The following TMEM19 variants were observed in gnomAD, a reference collection of about 807,000 sequenced individuals.
TMEM19 encodes the protein transmembrane protein 19.
TMEM19 carries 21 observed loss-of-function variants against 33.6 expected under a neutral mutation model. The observed-to-expected ratio is 0.62, with a 90% CI of 0.44 to 0.90. The LOEUF is 0.90. Ranked by LOEUF, TMEM19 falls within the 40% of genes least tolerant of loss-of-function variation. The probability of loss-of-function intolerance (pLI) is 0.00; values close to 1 mark genes in which losing one functional copy is unlikely to be tolerated. For synonymous variants in TMEM19, 149 were observed against 147.5 expected, an observed-to-expected ratio of 1.01 and a Z score of -0.07; for missense variants, 402 against 401.8, an observed-to-expected ratio of 1.00 and a Z score of 0.00.
Position 71,704,382 on chromosome 12 carries a change from C to T in TMEM19, c.*3387C>T, listed in dbSNP as rs1882036917. 2 of 155,700 alleles carry T rather than the reference C, an allele frequency of 1.3e-5. No homozygotes were observed. The highest frequency in any genetic ancestry group is 3.9e-4 in the South Asian group (2 of 5,170). 9.6% of individuals were successfully genotyped at this position (155,700 alleles called of 1,614,324 possible). A position where few individuals can be genotyped will look rare whatever the true frequency, so the allele number is the denominator to read the frequency against. On this transcript the variant is annotated 3_prime_UTR_variant, in exon 6 of 6. Transcript: ENST00000266673. ...ATGTGAAATGATGTTTTAAACTTTG[C>T]CGCATACCTGTGATATGAACAGCTG...
At chr12:71,693,897 G>A (rs1440173107) in intron 2 of TMEM19, among the ~76,000 whole-genome samples, 1 of 152,126 alleles carries the variant, frequency 6.6e-6, no homozygotes, top group Non-Finnish European at 1.5e-5. Flanking sequence ...ATTTGCCTTT[G>A]GCCATGATTG....
At chr12:71,691,605 CAAAAAAAAAAAAAAAAAAAA>C (rs57138830) in intron 2 of TMEM19, among the ~76,000 whole-genome samples, 5,230 of 49,968 alleles carry the variant, frequency 0.1, 428 homozygotes, top group African/African-American at 0.24. Flanking sequence ...TTCACCTCTA[CAAAAAAAAAAAAAAAAAAAA>C]AAAAAAAAAA....
intron 1 of TMEM19, 129 bp downstream of exon 1, chr12:71,686,939 G>A: frequency 1.1e-6 from 1 of 881,912 alleles, no homozygotes; most frequent in Non-Finnish European, 1.6e-6. Flanking sequence ...AACTTCCATA[G>A]CCTGATTTAA....
rs556312523 is a variant in TMEM19 at position 71,686,430 on chromosome 12, C to T, written c.-251C>T. On this transcript the variant is annotated 5_prime_UTR_variant, in exon 1 of 6. Coordinates refer to ENST00000266673, the MANE Select transcript of TMEM19 (RefSeq NM_018279.4). Reference sequence around the variant, plus strand: ...AAGCGGCCGGCAGCCGGCGACCGGCCCTCACCGTCCGCCGGGTTGCGCTCT... The same window carrying T: ...AAGCGGCCGGCAGCCGGCGACCGGCTCTCACCGTCCGCCGGGTTGCGCTCT... The T allele has an allele frequency of 6.4e-4, 228 of 358,566 alleles. 1 individual carries two copies. The South Asian group carries it at 6.5e-3, about 10-fold the overall frequency. The allele number at this position is 358,566 out of a possible 1,614,324, so 22.2% of individuals were successfully genotyped here.
At chr12:71,696,647 G>C in intron 3 of TMEM19, 74 bp downstream of exon 3, 1 of 1,319,856 alleles carries the variant, frequency 7.6e-7, no homozygotes, top group Non-Finnish European at 1.0e-6. Flanking sequence ...TTTTGTTTTT[G>C]TTTTTGTTTT....
chr12:71,698,823 A>G (rs919921272), intron 4 of TMEM19, 77 bp from the exon 5 acceptor site: 1 of 1,280,488 alleles, frequency 7.8e-7, no homozygotes, highest in Non-Finnish European at 1.1e-6. Flanking sequence ...TCTTGATTAG[A>G]TAGGTACCTT....
chr12:71,699,037 G>A lies in TMEM19; in HGVS notation c.775G>A (p.Ala259Thr). 6.2e-7 allele frequency: 1 copy of A among 1,614,124 alleles called. No individual in the cohort carries two copies. Among genetic ancestry groups the A allele is most frequent in the Non-Finnish European group, 8.5e-7 (1 of 1,180,012 alleles). Residue 259 changes from alanine (A) to threonine (T), a missense_variant, in exon 5 of 6, where the codon GCA (alanine) becomes ACA (threonine). Transcript: ENST00000266673. ...TTCTGCCCCGCAGTGGCCAATTATT[G>A]CATTTGGTGGTTTAGCTGGATTACT... Reference protein sequence around the residue: ...DISAPQWPIIAFGGLAGLLGS... With the variant: ...DISAPQWPIITFGGLAGLLGS...
At chr12:71,695,141 T>G (rs1240762924) in intron 2 of TMEM19, among the ~76,000 whole-genome samples, 1 of 152,208 alleles carries the variant, frequency 6.6e-6, no homozygotes, top group Admixed American at 6.5e-5. Flanking sequence ...CAGTTACTAA[T>G]CTAAAATGTA....
In TMEM19 at chr12:71,704,872, A is replaced by G. The variant is rs1027170465; in HGVS notation, c.*3877A>G. On this transcript the variant is annotated 3_prime_UTR_variant, in exon 6 of 6. Transcript: ENST00000266673. ...GTGGCTTAATTATTTAATCTCCTTT[A>G]TGGAGTATCTGTTTTTATAACTCCA... 6.6e-6 allele frequency: 1 copy of G among 152,210 alleles called. No individual in the cohort carries two copies. The highest frequency in any genetic ancestry group is 1.5e-5 in the Non-Finnish European group (1 of 68,040). The allele number at this position is 152,210 out of a possible 1,614,324, so 9.4% of individuals were successfully genotyped here.
intron 1 of TMEM19, among the ~76,000 whole-genome samples, chr12:71,688,713 G>C (rs974715470): frequency 6.6e-6 from 1 of 152,164 alleles, no homozygotes; most frequent in Non-Finnish European, 1.5e-5. Context: ...CTGCCATGTT[G>C]GCCAGAACTT....
At chr12:71,698,831 C>T (rs947373178) in intron 4 of TMEM19, 69 bp from the exon 5 acceptor site, 14 of 1,384,208 alleles carry the variant, frequency 1.0e-5, no homozygotes, top group African/African-American at 1.0e-4. Flanking sequence ...AGATAGGTAC[C>T]TTGCTGTCCT....
At chr12:71,697,154 T>C (rs1592621693) in intron 3 of TMEM19, 126 bp from the exon 4 acceptor site, 5 of 1,329,506 alleles carry the variant, frequency 3.8e-6, no homozygotes, top group Non-Finnish European at 5.0e-6. Flanking sequence ...CATAACACTT[T>C]TACTGTTTTT....
chr12:71,696,809 G>A (rs958869684), intron 3 of TMEM19, among the ~76,000 whole-genome samples: 1 of 151,926 alleles, frequency 6.6e-6, no homozygotes, highest in African/African-American at 2.4e-5. Flanking sequence ...ACCATGCCTG[G>A]CTAATTTTTT....
chr12:71,697,053 T>C (rs1196503615), intron 3 of TMEM19, among the ~76,000 whole-genome samples: 1 of 152,174 alleles, frequency 6.6e-6, no homozygotes, highest in Non-Finnish European at 1.5e-5. Flanking sequence ...TTCACAACAA[T>C]GGGAAATGAC....
chr12:71,686,953 A>G (rs1217877998), intron 1 of TMEM19, 143 bp downstream of exon 1: 4 of 725,056 alleles, frequency 5.5e-6, no homozygotes, highest in Non-Finnish European at 8.4e-6. Flanking sequence ...GATTTAACTT[A>G]CTAACATGAT....
chr12:71,692,075 A>G (rs1027180015), intron 2 of TMEM19, among the ~76,000 whole-genome samples: 1 of 152,254 alleles, frequency 6.6e-6, no homozygotes, highest in African/African-American at 2.4e-5. Context: ...CTCCAATAGT[A>G]ATATCTTATG....
chr12:71,693,717 CAT>C (rs1169540362), intron 2 of TMEM19, among the ~76,000 whole-genome samples: 2 of 152,184 alleles, frequency 1.3e-5, no homozygotes, highest in Non-Finnish European at 2.9e-5. Context: ...ATAATTCCCA[CAT>C]GTCAAGGGAG....
At chr12:71,699,301 G>A (rs1881935713) in intron 5 of TMEM19, 192 bp downstream of exon 5, 1 of 628,988 alleles carries the variant, frequency 1.6e-6, no homozygotes, top group Non-Finnish European at 2.8e-6. Flanking sequence ...AAGAGAATTA[G>A]TCCCGCGCAG....
At chr12:71,693,371 G>C (rs550358262) in intron 2 of TMEM19, among the ~76,000 whole-genome samples, 1 of 151,848 alleles carries the variant, frequency 6.6e-6, no homozygotes, top group African/African-American at 2.4e-5. Context: ...TTTTCTTACT[G>C]TTTGGAACTT....
Sources: allele counts gnomAD v4.1 joint callset (sites outside exome capture counted in the v4.1 genomes callset), GRCh38; gene constraint gnomAD v4.1.1; transcripts MANE v1.5; gene names NCBI Gene and HGNC (gene_info 2026-07-23, HGNC 2026-07-21).